UNC13B: variants seen among roughly 807,000 people sequenced by gnomAD.
UNC13B encodes protein unc-13 homolog B.
In UNC13B, 144 loss-of-function variants were observed where a neutral mutation model predicts 211.0. The observed-to-expected ratio is 0.68, with a 90% CI of 0.60 to 0.78. The LOEUF is 0.78. Among genes scored for constraint, UNC13B ranks in the 30% least tolerant of loss-of-function variants. The pLI, the probability that UNC13B is intolerant of heterozygous loss-of-function variation, is 0.00. For synonymous variants in UNC13B, 709 were observed against 725.8 expected, an observed-to-expected ratio of 0.98 and a Z score of 0.37; for missense variants, 1,777 against 2,002.0, an observed-to-expected ratio of 0.89 and a Z score of 2.14.
rs1440744760 is a variant in UNC13B, at chr9:35,399,147, G to C, written c.12075-14G>C. The stretch of plus-strand genomic sequence containing the variant: ...AACTCTCACCCTGGTCTCACCTGTT[G>C]CCTGGACTTGCAGCCTCACCCTCTT... On this transcript the variant is annotated splice_polypyrimidine_tract_variant and intron_variant, in intron 33 of 39. Coordinates refer to ENST00000635942, the MANE Select transcript of UNC13B (RefSeq NM_001371189.2). 1 of 1,614,186 alleles carries C rather than the reference G, an allele frequency of 6.2e-7. No individual in the cohort carries two copies. The highest frequency in any genetic ancestry group is 2.2e-5 in the East Asian group (1 of 44,886).
intron 1 of UNC13B, among the ~76,000 whole-genome samples, chr9:35,220,124 T>G (rs1400129023): frequency 6.6e-6 from 1 of 152,042 alleles, no homozygotes; most frequent in African/African-American, 2.4e-5. Flanking sequence ...ATATTTTTAT[T>G]TGTTCCCCTT....
At chr9:35,255,018 TG>T (rs1310459594) in intron 6 of UNC13B, among the ~76,000 whole-genome samples, 1 of 109,222 alleles carries the variant, frequency 9.2e-6, no homozygotes, top group Non-Finnish European at 1.9e-5. Context: ...TATTAATATA[TG>T]TATATATAAT....
intron 1 of UNC13B, among the ~76,000 whole-genome samples, chr9:35,203,338 A>T (rs899518124): frequency 3.9e-5 from 6 of 152,160 alleles, no homozygotes; most frequent in Admixed American, 2.6e-4. Context: ...AGGAGCTCTT[A>T]TAAGGCAGGC....
intron 1 of UNC13B, among the ~76,000 whole-genome samples, chr9:35,192,814 A>G (rs1822729168): frequency 6.6e-6 from 1 of 152,214 alleles, no homozygotes; most frequent in Non-Finnish European, 1.5e-5. Context: ...AATGTACTCC[A>G]GAGGGGTGCA....
At chr9:35,170,119 A>G (rs1030620731) in intron 1 of UNC13B, among the ~76,000 whole-genome samples, 2 of 151,956 alleles carry the variant, frequency 1.3e-5, no homozygotes, top group Non-Finnish European at 2.9e-5. Context: ...AAATAACTGC[A>G]CTGTCTTGTT....
rs772877762 is a variant in UNC13B, at chr9:35,381,128, A to G, written c.10404A>G (p.Ser3468=). The change falls in exon 19 of 40, where the codon TCA becomes TCG. Residue 3468 remains serine (S), a synonymous_variant. Transcript: ENST00000635942. The part of the protein sequence containing the change: ...LEKRTDKSAV[S]GAIRLQISVE... The stretch of plus-strand genomic sequence containing the variant: ...AGAGGACAGACAAATCAGCCGTCTC[A>G]GGGGCTATCCGACTACAAATCAGTG... 3 of 1,614,010 alleles carry G rather than the reference A, an allele frequency of 1.9e-6. No individual in the cohort carries two copies. The African/African-American group carries it at 4.0e-5, about 22-fold the overall frequency.
chr9:35,244,889 A>G (rs572970455), intron 6 of UNC13B, among the ~76,000 whole-genome samples: 160 of 152,288 alleles, frequency 1.1e-3, no homozygotes, highest in African/African-American at 3.8e-3. Flanking sequence ...GACAAGCAAC[A>G]TCTACTCTTT....
chr9:35,225,811 C>T (rs928082884), intron 1 of UNC13B, among the ~76,000 whole-genome samples: 2 of 152,054 alleles, frequency 1.3e-5, no homozygotes, highest in African/African-American at 4.8e-5. Context: ...TCCCTTGGGC[C>T]TCCAGGTGGT....
At chr9:35,357,578 GT>G (rs201402392) in intron 11 of UNC13B, among the ~76,000 whole-genome samples, 2,122 of 117,432 alleles carry the variant, frequency 0.018, 15 homozygotes, top group African/African-American at 0.028. Context: ...TTTTTTTATT[GT>G]TTTTTTTTTT....
intron 13 of UNC13B, among the ~76,000 whole-genome samples, chr9:35,371,072 C>A (rs757744443): frequency 1.3e-5 from 2 of 152,196 alleles, no homozygotes; most frequent in Non-Finnish European, 2.9e-5. Flanking sequence ...TCTCTCAGAG[C>A]TCTAAAGCTA....
chr9:35,224,604 C>T (rs1253349058), intron 1 of UNC13B, among the ~76,000 whole-genome samples: 1 of 152,058 alleles, frequency 6.6e-6, no homozygotes, highest in Non-Finnish European at 1.5e-5. Flanking sequence ...TCCTCTTTTC[C>T]AGTGTGGTTG....
intron 1 of UNC13B, among the ~76,000 whole-genome samples, chr9:35,226,020 G>A (rs1824819916): frequency 6.6e-6 from 1 of 152,166 alleles, no homozygotes; most frequent in Non-Finnish European, 1.5e-5. Context: ...GCAGTGATGG[G>A]TGGCACTGGT....
chr9:35,399,493 A>C (rs749132039), intron 35 of UNC13B, 45 bp downstream of exon 35: 4 of 1,613,104 alleles, frequency 2.5e-6, no homozygotes, highest in Non-Finnish European at 3.4e-6. Flanking sequence ...GTCCTTCTGA[A>C]GTCATGGAGA....
intron 1 of UNC13B, among the ~76,000 whole-genome samples, chr9:35,179,540 C>T (rs1821820476): frequency 6.6e-6 from 1 of 152,164 alleles, no homozygotes; most frequent in East Asian, 1.9e-4. Context: ...CCTGTAATCC[C>T]AGCACTTTGG....
At chr9:35,386,445 T>C in intron 24 of UNC13B, 152 bp downstream of exon 24, 1 of 1,082,600 alleles carries the variant, frequency 9.2e-7, no homozygotes, top group Non-Finnish European at 1.3e-6. Flanking sequence ...GTGGACCATG[T>C]GAGATATGTG....
chr9:35,310,296 G>A (rs550672456), intron 9 of UNC13B, among the ~76,000 whole-genome samples, 171 bp from the exon 10 acceptor site: 8 of 152,038 alleles, frequency 5.3e-5, no homozygotes, highest in East Asian at 1.9e-4. Flanking sequence ...TTGTGTTTTC[G>A]CTGAATAGAG....
intron 7 of UNC13B, among the ~76,000 whole-genome samples, chr9:35,282,417 A>G (rs1828549490): frequency 1.3e-5 from 2 of 151,324 alleles, no homozygotes; most frequent in African/African-American, 2.4e-5. Context: ...ATGTCTTACA[A>G]TTTTTTTTGT....
At chr9:35,331,969 A>ACCAGTAGG (rs1831395110) in intron 11 of UNC13B, among the ~76,000 whole-genome samples, 1 of 151,238 alleles carries the variant, frequency 6.6e-6, no homozygotes, top group Admixed American at 6.6e-5. Flanking sequence ...GTGATAGGTA[A>ACCAGTAGG]CCAGTAGGCT....
intron 11 of UNC13B, 99 bp downstream of exon 11, chr9:35,314,088 C>G (rs1830326108): frequency 1.0e-6 from 1 of 972,606 alleles, no homozygotes; most frequent in Non-Finnish European, 1.6e-6. Context: ...CATCTTCTTA[C>G]AGTGTGCTTC....
Sources: allele counts gnomAD v4.1 joint callset (sites outside exome capture counted in the v4.1 genomes callset), GRCh38; gene constraint gnomAD v4.1.1; transcripts MANE v1.5; gene names NCBI Gene and HGNC (gene_info 2026-07-23, HGNC 2026-07-21).